Variants in KIF14 observed in about 807,000 individuals in gnomAD.
KIF14 encodes kinesin family member 14, also known as kinesin-like protein KIF14.
Under a neutral mutation model 176.2 loss-of-function variants are expected in KIF14, and 98 were observed. That is an observed-to-expected ratio of 0.56 (90% CI 0.47 to 0.66). The LOEUF (loss-of-function observed/expected upper bound fraction) is 0.66, where lower values mean the gene tolerates loss of function less well. Among genes scored for constraint, KIF14 ranks in the 30% least tolerant of loss-of-function variants. The probability of loss-of-function intolerance (pLI) is 0.00; values close to 1 mark genes in which losing one functional copy is unlikely to be tolerated. For synonymous variants in KIF14, 566 were observed against 632.2 expected, an observed-to-expected ratio of 0.90 and a Z score of 1.57; for missense variants, 1,751 against 1,920.4, an observed-to-expected ratio of 0.91 and a Z score of 1.65.
At chr1:200,609,998 T>C (rs1238180060) in intron 4 of KIF14, among the ~76,000 whole-genome samples, 2 of 152,174 alleles carry the variant, frequency 1.3e-5, no homozygotes, top group Non-Finnish European at 1.5e-5. Flanking sequence ...ACAGGTAAAT[T>C]CATAGAACAA....
chr1:200,553,733 A>G lies in KIF14; in HGVS notation c.4602T>C (p.Cys1534=). 6.2e-7 allele frequency: 1 copy of G among 1,609,060 alleles called. No homozygotes were observed. Among genetic ancestry groups the G allele is most frequent in the South Asian group, 1.1e-5 (1 of 90,622 alleles). ...CHSDINLLQT[C]VESIRNLASD... ...TGGCCAAGTTGCGAATACTTTCAAC[A>G]CAAGTCTGGAGAAGATTTATATCAC... Residue 1534 remains cysteine (C), a synonymous_variant, in exon 30 of 30, where the codon TGT becomes TGC. Coordinates refer to ENST00000367350, the MANE Select transcript of KIF14 (RefSeq NM_014875.3).
intron 19 of KIF14, among the ~76,000 whole-genome samples, chr1:200,585,333 T>C (rs533181672): frequency 4.6e-5 from 7 of 152,182 alleles, no homozygotes; most frequent in African/African-American, 1.4e-4. Flanking sequence ...CATCATGTTG[T>C]ACATCTTAAA....
At chr1:200,563,834 T>C (rs1276511230) in intron 25 of KIF14, among the ~76,000 whole-genome samples, 5 of 152,194 alleles carry the variant, frequency 3.3e-5, no homozygotes, top group Admixed American at 6.5e-5. Flanking sequence ...GCTTGGCACA[T>C]AGGTGTCCAG....
intron 16 of KIF14, among the ~76,000 whole-genome samples, chr1:200,590,778 A>G (rs1157868497): frequency 6.6e-6 from 1 of 152,232 alleles, no homozygotes; most frequent in African/African-American, 2.4e-5. Context: ...TAATCCCAGC[A>G]CTTTGGGAGG....
intron 17 of KIF14, 118 bp downstream of exon 17, chr1:200,590,007 A>C: frequency 9.6e-7 from 1 of 1,043,766 alleles, no homozygotes; most frequent in South Asian, 1.7e-5. Context: ...TGTGGCTTTG[A>C]TTCACTAATC....
At position 200,560,761 on chromosome 1, in the gene KIF14, A is replaced by G. The variant is rs748890169; in HGVS notation, c.4191T>C (p.His1397=). ...CTTTATTGTTACCGTTTTCTAGAAA[A>G]TGTAGCTTGCTCCCTTTCAGAACTG... ...QLAVLKGSKL[H]FLENGNNKAA... is the part of the protein sequence containing the mutation. The change falls in exon 26 of 30, where the codon CAT becomes CAC. Residue 1397 remains histidine (H), a synonymous_variant. Coordinates refer to ENST00000367350, the MANE Select transcript of KIF14 (RefSeq NM_014875.3). 3 of 1,614,214 alleles carry G rather than the reference A, an allele frequency of 1.9e-6. No homozygotes were observed. The highest frequency in any genetic ancestry group is 2.2e-5 in the South Asian group (2 of 91,088).
At chr1:200,590,866 A>T (rs768617439) in intron 16 of KIF14, among the ~76,000 whole-genome samples, 1 of 152,170 alleles carries the variant, frequency 6.6e-6, no homozygotes, top group African/African-American at 2.4e-5. Flanking sequence ...CTCTACAAAA[A>T]AATTCAAAAA....
intron 28 of KIF14, among the ~76,000 whole-genome samples, chr1:200,554,917 C>G (rs985262318): frequency 6.6e-6 from 1 of 152,076 alleles, no homozygotes; most frequent in Non-Finnish European, 1.5e-5. Context: ...AAGAGCTCAA[C>G]TTTATAATAG....
In KIF14 at chr1:200,617,779, T is replaced by G; in HGVS notation, c.945A>C (p.Gln315His). ...KNRMSNLQVK[Q>H]RPKSSFLANK... Reference sequence around the variant, plus strand: ...TTGCAAGAAAGGAACTTTTTGGTCTTTGTTTAACTTGAAGGTTAGACATTC... The same window carrying G: ...TTGCAAGAAAGGAACTTTTTGGTCTGTGTTTAACTTGAAGGTTAGACATTC... The change falls in exon 2 of 30, where the codon CAA becomes CAC. Residue 315 changes from glutamine to histidine, a missense_variant. Transcript: ENST00000367350. 1 of 1,614,192 alleles carries G rather than the reference T, an allele frequency of 6.2e-7. No individual in the cohort carries two copies.
Position 200,553,290 on chromosome 1 carries a change from G to T in KIF14, c.*98C>A. The T allele has an allele frequency of 1.6e-6, 2 of 1,247,876 alleles. No individual in the cohort carries two copies. The highest frequency in any genetic ancestry group is 1.6e-5 in the South Asian group (1 of 61,640). 77.3% of individuals were successfully genotyped at this position (1,247,876 alleles called of 1,614,324 possible). On this transcript the variant is annotated 3_prime_UTR_variant, in exon 30 of 30. Transcript: ENST00000367350. Reference sequence around the variant, plus strand: ...AGACATGGACTTTTTTGAAATATCTGTGCTGATTTCTCTTAAACTCTCCTG... The same window carrying T: ...AGACATGGACTTTTTTGAAATATCTTTGCTGATTTCTCTTAAACTCTCCTG...
rs1659567812 is a variant in KIF14, at chr1:200,600,417, C to T, written c.2239G>A (p.Glu747Lys). 1 of 1,613,802 alleles carries T rather than the reference C, an allele frequency of 6.2e-7. No homozygotes were observed. The highest frequency in any genetic ancestry group is 1.3e-5 in the African/African-American group (1 of 74,912). ...AGTTTCATTCTTAAGGATGTTATTT[C>T]TTGCCGACAGAGCCTGTATCGTTCA... ...DPERYRLCRQ[E>K]ITSLRMKLHQ... Residue 747 changes from glutamate (E) to lysine (K), a missense_variant, in exon 12 of 30, where the codon GAA becomes AAA. Glu to Lys is a moderately conservative substitution (Grantham distance 56). Transcript: ENST00000367350.
Position 200,553,554 on chromosome 1 carries a change from C to G in KIF14, c.4781G>C (p.Trp1594Ser), listed in dbSNP as rs774434620. 6.2e-7 allele frequency: 1 copy of G among 1,613,956 alleles called. No individual in the cohort carries two copies. Among genetic ancestry groups the G allele is most frequent in the South Asian group, 1.1e-5 (1 of 91,078 alleles). ...TTTGGTATTTTGATTATAAGTTTCC[C>G]AGGGTTTCAACAAATCAGGGCTTTC... ...SEESPDLLKP[W>S]ETYNQNTKEE... The change falls in exon 30 of 30, where the codon TGG becomes TCG. Residue 1594 changes from tryptophan to serine, a missense_variant. By Grantham distance (177) the Trp-to-Ser change is radical. Coordinates refer to ENST00000367350, the MANE Select transcript of KIF14 (RefSeq NM_014875.3).
At position 200,601,976 on chromosome 1, in the gene KIF14, G is replaced by A. The variant is rs1558082344; in HGVS notation, c.2072C>T (p.Thr691Ile). 3 of 1,613,790 alleles carry A rather than the reference G, an allele frequency of 1.9e-6. No individual in the cohort carries two copies. The highest frequency in any genetic ancestry group is 2.5e-6 in the Non-Finnish European group (3 of 1,179,800). The part of the protein sequence containing the change: ...AASNIEETLS[T>I]LRYANQARLI... ...ACGGGCTTGGTTAGCATATCTAAGT[G>A]TGCTTAATGTTTCTTCTATGTTGCT... Residue 691 changes from threonine to isoleucine, a missense_variant, in exon 11 of 30, where the codon ACA (threonine) becomes ATA (isoleucine). Transcript: ENST00000367350.
chr1:200,573,182 C>A (rs1311645749), intron 22 of KIF14, among the ~76,000 whole-genome samples: 1 of 152,182 alleles, frequency 6.6e-6, no homozygotes, highest in African/African-American at 2.4e-5. Flanking sequence ...GCAGCAGGAG[C>A]AGCAGCTGCT....
At position 200,553,091 on chromosome 1, in the gene KIF14, G is replaced by C. The variant is rs187279818; in HGVS notation, c.*297C>G. The C allele has an allele frequency of 1.8e-5, 3 of 169,914 alleles. No individual in the cohort carries two copies. Among genetic ancestry groups the C allele is most frequent in the Non-Finnish European group, 3.7e-5 (3 of 80,114 alleles). The allele number at this position is 169,914 out of a possible 1,614,324, so 10.5% of individuals were successfully genotyped here. A position where few individuals can be genotyped will look rare whatever the true frequency, so the allele number is the denominator to read the frequency against. ...CCCTAGTAGCTGGGATTACAGGCAC[G>C]CGCCACCATGCCCAGCAAATTTTTG... On this transcript the variant is annotated 3_prime_UTR_variant, in exon 30 of 30. Transcript: ENST00000367350.
chr1:200,618,185 G>A lies in KIF14; in HGVS notation c.539C>T (p.Pro180Leu), dbSNP rs370519348. 6.2e-6 allele frequency: 10 copies of A among 1,613,680 alleles called. No homozygotes were observed. Among genetic ancestry groups the A allele is most frequent in the Admixed American group, 1.7e-5 (1 of 59,976 alleles). ...AKNSFVASSVPLDEDPQVIEM... is the reference protein window; with the variant it reads ...AKNSFVASSVLLDEDPQVIEM... ...AATGACCTGTGGATCTTCATCTAAA[G>A]GTACAGAAGAGGCAACAAAAGAGTT... is the stretch of plus-strand genomic sequence containing the variant. The change falls in exon 2 of 30, where the codon CCT (proline) becomes CTT (leucine). Residue 180 changes from proline (P) to leucine (L), a missense_variant. By Grantham distance (98) the Pro-to-Leu change is moderately conservative (BLOSUM62 -3). Coordinates refer to ENST00000367350, the MANE Select transcript of KIF14 (RefSeq NM_014875.3).
Position 200,600,395 on chromosome 1 carries a change from T to G in KIF14, c.2261A>C (p.Lys754Thr). The G allele has an allele frequency of 6.2e-7, 1 of 1,613,894 alleles. No individual in the cohort carries two copies. The highest frequency in any genetic ancestry group is 8.5e-7 in the Non-Finnish European group (1 of 1,179,828). The change falls in exon 12 of 30, where the codon AAA (lysine) becomes ACA (threonine). Residue 754 changes from lysine to threonine, a missense_variant. Transcript: ENST00000367350. The part of the protein sequence containing the change: ...CRQEITSLRM[K>T]LHQQERDMAE... ...CATGTCTCTCTCCTGTTGATGCAGT[T>G]TCATTCTTAAGGATGTTATTTCTTG...
At chr1:200,575,837 C>A in intron 21 of KIF14, 146 bp from the exon 22 acceptor site, 1 of 414,766 alleles carries the variant, frequency 2.4e-6, no homozygotes, top group East Asian at 3.6e-5. Context: ...AAAATCATTC[C>A]TGATCAAATT....
rs1656657560 is a variant in KIF14, at chr1:200,553,459, A to C, written c.4876T>G (p.Tyr1626Asp). Residue 1626 changes from tyrosine to aspartate, a missense_variant, in exon 30 of 30, where the codon TAT becomes GAT. Transcript: ENST00000367350. ...GCTGGGGATGAGCCATGGAGCTCAT[A>C]GACACGCTTTGGTACACCTTTATTC... ...SKNKGVPKRVYELHGSSPAVS... is the reference protein window; with the variant it reads ...SKNKGVPKRVDELHGSSPAVS... The C allele has an allele frequency of 6.2e-7, 1 of 1,614,090 alleles. No homozygotes were observed.
Sources: gnomAD v4.1 joint callset for allele counts (sites outside exome capture counted in the v4.1 genomes callset) on GRCh38, gnomAD v4.1.1 for gene constraint, MANE v1.5 for transcripts, NCBI Gene and HGNC (gene_info 2026-07-23, HGNC 2026-07-21) for gene names.